The following PEPD variants were observed in gnomAD, a reference collection of about 807,000 sequenced individuals.
PEPD encodes xaa-Pro dipeptidase.
Under a neutral mutation model 60.7 loss-of-function variants are expected in PEPD, and 53 were observed. The observed-to-expected ratio is 0.87, with a 90% confidence interval of 0.70 to 1.10. The LOEUF is 1.10. Ranked by LOEUF, PEPD falls within the 50% of genes least tolerant of loss-of-function variation. The pLI, the probability that PEPD is intolerant of heterozygous loss-of-function variation, is 0.00. For synonymous variants in PEPD, 267 were observed against 284.1 expected (o/e 0.94, Z 0.60); for missense variants, 711 against 711.9 (o/e 1.00, Z 0.01).
intron 9 of PEPD, among the ~76,000 whole-genome samples, chr19:33,432,811 C>T (rs947036001): frequency 1.3e-5 from 2 of 152,238 alleles, no homozygotes; most frequent in African/African-American, 4.8e-5. Context: ...AAGGCACAAG[C>T]GCATGGCAAA....
chr19:33,406,800 G>A (rs977597419), intron 11 of PEPD, among the ~76,000 whole-genome samples: 1 of 152,204 alleles, frequency 6.6e-6, no homozygotes, highest in Non-Finnish European at 1.5e-5. Context: ...GGTCCTGGGT[G>A]AGCGGGCACC....
intron 4 of PEPD, among the ~76,000 whole-genome samples, chr19:33,496,971 CCA>C (rs1474861672): frequency 6.6e-6 from 1 of 152,272 alleles, no homozygotes; most frequent in Non-Finnish European, 1.5e-5. Flanking sequence ...CTGCAAGGCT[CCA>C]GAGAGCTGGC....
rs1379857399 is a variant in PEPD, at chr19:33,512,474, A to AGTT, written c.201+118_201+119insAAC. The AGTT allele has an allele frequency of 3.1e-6, 3 of 952,466 alleles. No individual in the cohort carries two copies. In the African/African-American group the frequency reaches 4.8e-5, roughly 15 times the overall value. 59.0% of individuals were successfully genotyped at this position (952,466 alleles called of 1,614,324 possible). ...CCTGGACCACTTCCCAGGCGAGGAA[A>AGTT]CAGAGGCTCAGGGAGGGCCACAAGG... On this transcript the variant is annotated intron_variant, in intron 2 of 14. Transcript: ENST00000244137.
chr19:33,420,612 G>C (rs1186355682), intron 9 of PEPD, among the ~76,000 whole-genome samples: 3 of 152,086 alleles, frequency 2.0e-5, no homozygotes, highest in African/African-American at 7.2e-5. Flanking sequence ...TGAGACAGGA[G>C]AATTGCTTGA....
intron 11 of PEPD, among the ~76,000 whole-genome samples, chr19:33,405,217 C>T (rs1968592461): frequency 6.6e-6 from 1 of 152,228 alleles, no homozygotes; most frequent in Non-Finnish European, 1.5e-5. Flanking sequence ...CCACCCAGAC[C>T]CTCCCTGGGC....
intron 5 of PEPD, among the ~76,000 whole-genome samples, chr19:33,490,865 G>A (rs551267852): frequency 6.6e-6 from 1 of 151,560 alleles, no homozygotes; most frequent in African/African-American, 2.4e-5. Flanking sequence ...GTTTTGCCAC[G>A]TTGGCCAGGC....
chr19:33,504,874 G>GTTC (rs1369570827), intron 3 of PEPD, among the ~76,000 whole-genome samples: 19 of 152,154 alleles, frequency 1.2e-4, no homozygotes, highest in African/African-American at 4.3e-4. Flanking sequence ...GGAGGAGAGA[G>GTTC]GAGAAGTCCT....
intron 6 of PEPD, among the ~76,000 whole-genome samples, chr19:33,484,981 G>A (rs935884460): frequency 2.0e-5 from 3 of 152,158 alleles, no homozygotes; most frequent in Non-Finnish European, 2.9e-5. Flanking sequence ...GAGGGTAGGC[G>A]TGCCCTGGAA....
chr19:33,430,455 A>G (rs972366589), intron 9 of PEPD, among the ~76,000 whole-genome samples: 1 of 152,114 alleles, frequency 6.6e-6, no homozygotes, highest in African/African-American at 2.4e-5. Flanking sequence ...TGCCAGGAAG[A>G]GACTTCTGCT....
chr19:33,496,574 C>T (rs1040810370), intron 4 of PEPD, among the ~76,000 whole-genome samples: 8 of 152,238 alleles, frequency 5.3e-5, no homozygotes, highest in African/African-American at 1.9e-4. Flanking sequence ...GAACACGACG[C>T]GCTGTGCGTT....
At chr19:33,427,220 A>G (rs1466770450) in intron 9 of PEPD, among the ~76,000 whole-genome samples, 1 of 152,162 alleles carries the variant, frequency 6.6e-6, no homozygotes, top group East Asian at 1.9e-4. Context: ...CCAGGGATGC[A>G]CTCCAAGCAT....
chr19:33,497,366 C>T (rs1970628048), intron 4 of PEPD, among the ~76,000 whole-genome samples: 1 of 152,260 alleles, frequency 6.6e-6, no homozygotes, highest in Admixed American at 6.5e-5. Context: ...CCTGCCAGCT[C>T]TCAGCCGGTG....
At chr19:33,438,957 T>C (rs113539227) in intron 9 of PEPD, among the ~76,000 whole-genome samples, 1,822 of 152,334 alleles carry the variant, frequency 0.012, 38 homozygotes, top group African/African-American at 0.041. Flanking sequence ...TAAGCTCAAG[T>C]GATCCACCTG....
chr19:33,495,401 G>C (rs931787639), intron 4 of PEPD, among the ~76,000 whole-genome samples: 17 of 151,480 alleles, frequency 1.1e-4, no homozygotes, highest in Non-Finnish European at 2.2e-4. Context: ...AGGAGGCTGA[G>C]GCAGAAGAAT....
At chr19:33,474,767 G>A (rs1017291001) in intron 7 of PEPD, among the ~76,000 whole-genome samples, 2 of 152,004 alleles carry the variant, frequency 1.3e-5, no homozygotes, top group Admixed American at 1.3e-4. Flanking sequence ...GATCTCTTAA[G>A]GCCAGGAGTT....
intron 9 of PEPD, among the ~76,000 whole-genome samples, chr19:33,448,760 T>C (rs1969640224): frequency 6.6e-6 from 1 of 152,198 alleles, no homozygotes; most frequent in Non-Finnish European, 1.5e-5. Context: ...AGCACCACGC[T>C]GCTGCTCTGT....
At position 33,387,138 on chromosome 19, in the gene PEPD, A is replaced by AGAT. The variant is rs1162995135; in HGVS notation, c.*203_*205dup. On this transcript the variant is annotated 3_prime_UTR_variant, in exon 15 of 15. Coordinates refer to ENST00000244137, the MANE Select transcript of PEPD (RefSeq NM_000285.4). The stretch of plus-strand genomic sequence containing the variant: ...TCATTTAATAAGCAAGGTATAAAAC[A>AGAT]GATTAAAGGTGGGAGCCTGCAAAAG... 1.2e-5 allele frequency: 7 copies of AGAT among 604,750 alleles called. No homozygotes were observed. The highest frequency in any genetic ancestry group is 2.0e-5 in the Non-Finnish European group (7 of 341,652). 37.5% of individuals were successfully genotyped at this position (604,750 alleles called of 1,614,324 possible).
chr19:33,394,711 T>C (rs1054600163), intron 12 of PEPD, among the ~76,000 whole-genome samples: 8 of 152,278 alleles, frequency 5.3e-5, no homozygotes, highest in Non-Finnish European at 1.0e-4. Flanking sequence ...CCTGGCAGCC[T>C]GGAGACACCG....
At chr19:33,457,109 C>T (rs906493165) in intron 9 of PEPD, among the ~76,000 whole-genome samples, 3 of 149,648 alleles carry the variant, frequency 2.0e-5, no homozygotes, top group African/African-American at 7.4e-5. Flanking sequence ...CTTCAGGAGT[C>T]GCTGCACAGG....
Sources: allele counts gnomAD v4.1 joint callset (sites outside exome capture counted in the v4.1 genomes callset), GRCh38; gene constraint gnomAD v4.1.1; transcripts MANE v1.5; gene names NCBI Gene and HGNC (gene_info 2026-07-23, HGNC 2026-07-21).